FHIT: variants seen among roughly 807,000 people sequenced by gnomAD.
FHIT encodes fragile histidine triad diadenosine triphosphatase.
Under a neutral mutation model 17.9 loss-of-function variants are expected in FHIT, and 19 were observed. The ratio of observed to expected loss-of-function variants is 1.06; its 90% CI spans 0.74 to 1.56. The LOEUF is 1.56. Ranked by LOEUF, FHIT falls within the 40% of genes most tolerant of loss-of-function variation. The pLI is 0.00. For missense variants in FHIT, 248 were observed against 189.2 expected, an observed-to-expected ratio of 1.31 and a Z score of -1.82; for synonymous variants, 81 against 69.7, an observed-to-expected ratio of 1.16 and a Z score of -0.81.
chr3:59,848,412 G>A (rs526389), intron 8 of FHIT, among the ~76,000 whole-genome samples: 138,259 of 152,134 alleles, frequency 0.91, 64,205 homozygotes, highest in Non-Finnish European at 1. Context: ...ATATACCTAT[G>A]TTTATAGGGA....
Position 60,319,644 on chromosome 3 carries a change from T to C in FHIT, c.103+217216A>G, listed in dbSNP as rs565183161. Among the ~76,000 whole-genome samples the C allele has an allele frequency of 4.6e-5, 7 of 152,240 alleles. No homozygotes were observed. In the East Asian group the frequency reaches 1.4e-3, roughly 29 times the overall value. Reference sequence around the variant, plus strand: ...TGTCTCATGAGCACATAGAAGTCCGTGACCAGAACAGCAAACAGCCCAACT... The same window carrying C: ...TGTCTCATGAGCACATAGAAGTCCGCGACCAGAACAGCAAACAGCCCAACT... On this transcript the variant is annotated intron_variant, in intron 5 of 9. Transcript: ENST00000492590.
At chr3:60,341,296 A>G (rs1710506059) in intron 5 of FHIT, among the ~76,000 whole-genome samples, 1 of 152,184 alleles carries the variant, frequency 6.6e-6, no homozygotes, top group African/African-American at 2.4e-5. Context: ...TAATATGTTG[A>G]ATTTATAATT....
At chr3:59,794,281 G>A (rs606415) in intron 8 of FHIT, among the ~76,000 whole-genome samples, 112,004 of 152,090 alleles carry the variant, frequency 0.74, 41,578 homozygotes, top group Middle Eastern at 0.83. Context: ...ATTATAGCAC[G>A]AATGCCTCCT....
chr3:61,009,643 G>A (rs1559906633), intron 3 of FHIT, among the ~76,000 whole-genome samples: 1 of 151,970 alleles, frequency 6.6e-6, no homozygotes, highest in Non-Finnish European at 1.5e-5. Context: ...TCACTACCAA[G>A]GACTCCTTTT....
At chr3:60,766,553 G>A (rs979536796) in intron 4 of FHIT, among the ~76,000 whole-genome samples, 5 of 152,110 alleles carry the variant, frequency 3.3e-5, no homozygotes, top group Admixed American at 6.5e-5. Context: ...ATCCATACTC[G>A]AATAATTTTA....
At chr3:60,592,389 C>T (rs1470223494) in intron 4 of FHIT, among the ~76,000 whole-genome samples, 1 of 151,822 alleles carries the variant, frequency 6.6e-6, no homozygotes, top group African/African-American at 2.4e-5. Context: ...TACCTATCTG[C>T]AACAGACAAA....
intron 8 of FHIT, among the ~76,000 whole-genome samples, chr3:59,760,624 C>T (rs1401995752): frequency 6.6e-6 from 1 of 151,898 alleles, no homozygotes; most frequent in African/African-American, 2.4e-5. Context: ...CATTGAAAGC[C>T]TGTTAGGAGC....
intron 5 of FHIT, among the ~76,000 whole-genome samples, chr3:60,464,415 T>G (rs1281578693): frequency 6.6e-6 from 1 of 152,170 alleles, no homozygotes; most frequent in East Asian, 1.9e-4. Context: ...CAAATTACTG[T>G]TGACTGTAGT....
In FHIT at chr3:60,006,723, A is replaced by T. The variant is rs570526673; in HGVS notation, c.279+4648T>A. Among the ~76,000 whole-genome samples the T allele has an allele frequency of 3.9e-5, 6 of 152,168 alleles. No homozygotes were observed. The East Asian group carries it at 1.2e-3, about 29-fold the overall frequency. On this transcript the variant is annotated intron_variant, in intron 7 of 9. Coordinates refer to ENST00000492590, the MANE Select transcript of FHIT (RefSeq NM_002012.4). ...GCTGATCCAAAGGTGCACAGTTAGG[A>T]AGTTAATATGGCTAATATTCCTAAC...
At chr3:60,917,364 C>G (rs1707059023) in intron 3 of FHIT, among the ~76,000 whole-genome samples, 1 of 152,214 alleles carries the variant, frequency 6.6e-6, no homozygotes. Flanking sequence ...TGGCCACCTG[C>G]CTCTCTTCTT....
intron 8 of FHIT, among the ~76,000 whole-genome samples, chr3:59,825,474 T>C (rs1180335316): frequency 6.6e-6 from 1 of 152,206 alleles, no homozygotes. Context: ...GGCTATTTTA[T>C]TTCACTTCAC....
chr3:61,229,002 T>C (rs2040036022), intron 1 of FHIT, among the ~76,000 whole-genome samples: 1 of 152,170 alleles, frequency 6.6e-6, no homozygotes, highest in Non-Finnish European at 1.5e-5. Context: ...CTTCACAAGA[T>C]ACTGTAGAGT....
chr3:61,136,004 G>A (rs1025653342), intron 2 of FHIT, among the ~76,000 whole-genome samples: 13 of 152,146 alleles, frequency 8.5e-5, no homozygotes, highest in Non-Finnish European at 1.9e-4. Flanking sequence ...TGATCATGCT[G>A]GAGGTAGGAG....
intron 3 of FHIT, among the ~76,000 whole-genome samples, chr3:60,857,332 A>C (rs1469468649): frequency 6.6e-6 from 1 of 152,150 alleles, no homozygotes; most frequent in Non-Finnish European, 1.5e-5. Context: ...CCTCCCTATC[A>C]TGTTCCATGA....
chr3:61,003,085 T>G (rs767727890), intron 3 of FHIT, among the ~76,000 whole-genome samples: 9 of 152,216 alleles, frequency 5.9e-5, no homozygotes, highest in Non-Finnish European at 1.3e-4. Flanking sequence ...CATTTTGCAG[T>G]GATATAAAAT....
At chr3:59,799,686 AT>A (rs1262313084) in intron 8 of FHIT, among the ~76,000 whole-genome samples, 1 of 152,184 alleles carries the variant, frequency 6.6e-6, no homozygotes, top group Non-Finnish European at 1.5e-5. Flanking sequence ...CATTTATTTC[AT>A]TTAGTTGGTG....
chr3:60,669,977 C>T (rs1699757867), intron 4 of FHIT, among the ~76,000 whole-genome samples: 1 of 152,206 alleles, frequency 6.6e-6, no homozygotes. Flanking sequence ...ACTTGTCCCT[C>T]ATATCTGTGG....
intron 4 of FHIT, among the ~76,000 whole-genome samples, chr3:60,586,246 A>G (rs529484765): frequency 8.5e-5 from 13 of 152,158 alleles, no homozygotes; most frequent in African/African-American, 2.6e-4. Context: ...AAAGGTAAGC[A>G]GGGTAGGAGG....
Position 61,251,341 on chromosome 3 carries a change from G to T in FHIT, c.-253C>A, listed in dbSNP as rs114542366. 4.2e-3 allele frequency: 635 copies of T among 152,924 alleles called. 1 individual carries two copies. Among genetic ancestry groups the T allele is most frequent in the Non-Finnish European group, 5.8e-3 (394 of 68,502 alleles). 9.5% of individuals were successfully genotyped at this position (152,924 alleles called of 1,614,324 possible). On this transcript the variant is annotated 5_prime_UTR_variant, in exon 1 of 10. Coordinates refer to ENST00000492590, the MANE Select transcript of FHIT (RefSeq NM_002012.4). ...CAGCTGGGAATGAAAGGCAGAGGGA[G>T]GGAGCGCGGGGCCGGAGCGCCGCCT...
Sources: gnomAD v4.1 joint callset for allele counts (sites outside exome capture counted in the v4.1 genomes callset) on GRCh38, gnomAD v4.1.1 for gene constraint, MANE v1.5 for transcripts, NCBI Gene and HGNC (gene_info 2026-07-23, HGNC 2026-07-21) for gene names.